The following TGFA variants were observed in gnomAD, a reference collection of about 807,000 sequenced individuals.
The protein encoded by TGFA is transforming growth factor alpha.
A neutral mutation model predicts 21.7 loss-of-function variants in TGFA; 12 were observed. That is an observed-to-expected ratio of 0.55 (90% confidence interval 0.35 to 0.90). TGFA has a LOEUF of 0.90. TGFA is among the 40% of genes least tolerant of loss of function. The pLI is 0.01. For missense variants in TGFA, 178 were observed against 210.8 expected, an observed-to-expected ratio of 0.84 and a Z score of 0.96; for synonymous variants, 79 against 88.1, an observed-to-expected ratio of 0.90 and a Z score of 0.58.
intron 2 of TGFA, among the ~76,000 whole-genome samples, chr2:70,512,907 C>T (rs1553501139): frequency 6.6e-6 from 1 of 152,156 alleles, no homozygotes; most frequent in Admixed American, 6.5e-5. Context: ...CTTGGCCTAC[C>T]AGGTCTTAGA....
intron 1 of TGFA, among the ~76,000 whole-genome samples, chr2:70,528,368 G>A (rs150841149): frequency 3.3e-5 from 5 of 152,258 alleles, no homozygotes; most frequent in Admixed American, 1.3e-4. Flanking sequence ...AGCTGATCTC[G>A]CCGGGCTGGG....
At chr2:70,520,749 A>G (rs1672423237) in intron 1 of TGFA, among the ~76,000 whole-genome samples, 1 of 152,016 alleles carries the variant, frequency 6.6e-6, no homozygotes, top group South Asian at 2.1e-4. Context: ...AAGGCACCGG[A>G]CCGACCCTAT....
At chr2:70,485,488 G>A (rs564442696) in intron 2 of TGFA, among the ~76,000 whole-genome samples, 17 of 152,174 alleles carry the variant, frequency 1.1e-4, no homozygotes, top group Admixed American at 6.5e-4. Flanking sequence ...CACCTGCCTC[G>A]GCCTCCCAAA....
At chr2:70,543,299 A>G (rs1673190477) in intron 1 of TGFA, among the ~76,000 whole-genome samples, 1 of 151,788 alleles carries the variant, frequency 6.6e-6, no homozygotes, top group Non-Finnish European at 1.5e-5. Flanking sequence ...AGGCTGAGGC[A>G]GGTGGATCTC....
chr2:70,528,969 G>A (rs562139214), intron 1 of TGFA, among the ~76,000 whole-genome samples: 1 of 152,230 alleles, frequency 6.6e-6, no homozygotes, highest in African/African-American at 2.4e-5. Context: ...GTGGGACGAG[G>A]GGGGCTTTTA....
At chr2:70,543,982 A>G (rs556207401) in intron 1 of TGFA, among the ~76,000 whole-genome samples, 89 of 152,220 alleles carry the variant, frequency 5.8e-4, no homozygotes, top group Admixed American at 8.5e-4. Context: ...AGGTGGCTTT[A>G]ACATAATTGA....
intron 1 of TGFA, among the ~76,000 whole-genome samples, chr2:70,527,649 C>G (rs953152768): frequency 1.3e-5 from 2 of 152,174 alleles, no homozygotes; most frequent in African/African-American, 4.8e-5. Context: ...TAATAATGTA[C>G]CAAAATTGAC....
intron 1 of TGFA, 122 bp from the exon 2 acceptor site, chr2:70,515,034 G>A (rs1175926190): frequency 6.3e-6 from 5 of 795,900 alleles, no homozygotes; most frequent in Non-Finnish European, 1.0e-5. Flanking sequence ...GTGGCCGGTA[G>A]ACAGGCTCAG....
intron 2 of TGFA, among the ~76,000 whole-genome samples, chr2:70,489,648 T>G (rs1296885403): frequency 6.6e-6 from 1 of 152,228 alleles, no homozygotes; most frequent in Non-Finnish European, 1.5e-5. Context: ...TGCTGTTTGT[T>G]TACAAAGCAG....
At chr2:70,551,205 A>T (rs1406729201) in intron 1 of TGFA, among the ~76,000 whole-genome samples, 1 of 152,214 alleles carries the variant, frequency 6.6e-6, no homozygotes, top group African/African-American at 2.4e-5. Context: ...AAAGCTAAGT[A>T]ACTTGCCCAA....
At chr2:70,456,935 T>C (rs1357171718) in intron 3 of TGFA, among the ~76,000 whole-genome samples, 4 of 152,212 alleles carry the variant, frequency 2.6e-5, no homozygotes, top group African/African-American at 7.2e-5. Flanking sequence ...GTTTGCCTTT[T>C]TATCTTCTTC....
chr2:70,456,602 GC>G lies in TGFA; in HGVS notation c.216-115del, dbSNP rs1670237976. ...GAGCCTGCAGGTAAAGCCCAAAGGG[GC>G]CCTGCCAGCTTTTGCAATTGGAGGG... On this transcript the variant is annotated intron_variant, in intron 3 of 5. Transcript: ENST00000295400. The G allele has an allele frequency of 5.3e-6, 7 of 1,320,544 alleles. No homozygotes were observed. In the Admixed American group the frequency reaches 1.6e-4, roughly 31 times the overall value. The allele number at this position is 1,320,544 out of a possible 1,614,324, so 81.8% of individuals were successfully genotyped here. A position where few individuals can be genotyped will look rare whatever the true frequency, so the allele number is the denominator to read the frequency against.
rs191324071 is a variant in TGFA at position 70,508,543 on chromosome 2, T to G, written c.94+6316A>C. On this transcript the variant is annotated intron_variant, in intron 2 of 5. Transcript: ENST00000295400. ...ACTCTGCAAGTGTCTAAGCTCTTAT[T>G]TATGAATAAATCAAATCTGGAAATT... Among the ~76,000 whole-genome samples, 4 of 152,322 alleles carry G rather than the reference T, an allele frequency of 2.6e-5. No individual in the cohort carries two copies. In the East Asian group the frequency reaches 7.7e-4, roughly 29 times the overall value.
At chr2:70,504,439 T>TATATATATATACATAC (rs1671840797) in intron 2 of TGFA, among the ~76,000 whole-genome samples, 3 of 67,124 alleles carry the variant, frequency 4.5e-5, no homozygotes, top group Non-Finnish European at 8.5e-5. Flanking sequence ...AACAAATATA[T>TATATATATATACATAC]ATATATATAT....
intron 2 of TGFA, among the ~76,000 whole-genome samples, chr2:70,489,034 A>G (rs575435835): frequency 2.6e-5 from 4 of 152,282 alleles, no homozygotes; most frequent in Non-Finnish European, 4.4e-5. Context: ...AGATGGCACA[A>G]AAGATTCCGA....
At chr2:70,528,175 C>G (rs888930338) in intron 1 of TGFA, among the ~76,000 whole-genome samples, 1 of 152,244 alleles carries the variant, frequency 6.6e-6, no homozygotes, top group African/African-American at 2.4e-5. Context: ...TCAGTAACAT[C>G]TAATTTTAGT....
chr2:70,471,054 G>A (rs1051369083), intron 2 of TGFA, among the ~76,000 whole-genome samples: 4 of 151,600 alleles, frequency 2.6e-5, no homozygotes, highest in Non-Finnish European at 5.9e-5. Flanking sequence ...CACTGCACAC[G>A]AACATGCACC....
intron 2 of TGFA, among the ~76,000 whole-genome samples, chr2:70,489,026 A>C (rs1671348363): frequency 6.6e-6 from 1 of 152,202 alleles, no homozygotes. Flanking sequence ...GGCTGGAAAG[A>C]TGGCACAAAA....
intron 1 of TGFA, among the ~76,000 whole-genome samples, chr2:70,520,554 A>T (rs1574127744): frequency 6.6e-6 from 1 of 152,172 alleles, no homozygotes; most frequent in African/African-American, 2.4e-5. Flanking sequence ...TAACTAATCA[A>T]ATATTTATTT....
Sources: allele counts gnomAD v4.1 joint callset (sites outside exome capture counted in the v4.1 genomes callset), GRCh38; gene constraint gnomAD v4.1.1; transcripts MANE v1.5; gene names NCBI Gene and HGNC (gene_info 2026-07-23, HGNC 2026-07-21).